EPS8: variants seen among roughly 807,000 people sequenced by gnomAD.
EPS8 encodes EGFR pathway substrate 8, signaling adaptor, also known as epidermal growth factor receptor kinase substrate 8.
A neutral mutation model predicts 103.8 loss-of-function variants in EPS8; 42 were observed. The ratio of observed to expected loss-of-function variants is 0.40; its 90% CI spans 0.32 to 0.52. EPS8 has a LOEUF of 0.52. Ranked by LOEUF, EPS8 falls within the 20% of genes least tolerant of loss-of-function variation. The pLI, the probability that EPS8 is intolerant of heterozygous loss-of-function variation, is 0.40. For synonymous variants in EPS8, 344 were observed against 344.6 expected, an observed-to-expected ratio of 1.00 and a Z score of 0.02; for missense variants, 969 against 1,005.1, an observed-to-expected ratio of 0.96 and a Z score of 0.49.
chr12:15,654,267 T>C lies in EPS8; in HGVS notation c.1128A>G (p.Glu376=), dbSNP rs776193771. ...NMVVQATGGP[E]LASSVLSPLL... ...GGGGACTAAGTACTGAACTGGCTAG[T>C]TCAGGACCTCCTGTTGCCTGCACCA... is the stretch of plus-strand genomic sequence containing the variant. The change falls in exon 13 of 21, where the codon GAA becomes GAG. Residue 376 remains glutamate, a synonymous_variant. Coordinates refer to ENST00000281172, the MANE Select transcript of EPS8 (RefSeq NM_004447.6). The C allele has an allele frequency of 1.2e-6, 2 of 1,613,668 alleles. No homozygotes were observed. Among genetic ancestry groups the C allele is most frequent in the South Asian group, 1.1e-5 (1 of 91,076 alleles).
In EPS8 at chr12:15,748,389, G is replaced by A. The variant is rs1946896930; in HGVS notation, c.-22+40772C>T. Reference sequence around the variant, plus strand: ...CCTAGTAGGAAAACTAAAGTGATGAGGATTAGAAAGGAAAGAATTATCCTC... The same window carrying A: ...CCTAGTAGGAAAACTAAAGTGATGAAGATTAGAAAGGAAAGAATTATCCTC... On this transcript the variant is annotated intron_variant, in intron 1 of 20. Transcript: ENST00000281172. The surrounding 1 kb of genome is among the most constrained non-coding windows in gnomAD (Gnocchi z 4.8). Among the ~76,000 whole-genome samples, 2 of 151,920 alleles carry A rather than the reference G, an allele frequency of 1.3e-5. No homozygotes were observed. Among genetic ancestry groups the A allele is most frequent in the Admixed American group, 1.3e-4 (2 of 15,266 alleles).
chr12:15,623,281 G>C lies in EPS8; in HGVS notation c.2232C>G (p.Val744=). The change falls in exon 20 of 21, where the codon GTC becomes GTG. Residue 744 remains valine (V), a synonymous_variant. Transcript: ENST00000281172. The part of the protein sequence containing the change: ...LQSKGFNPVT[V]NSLGVLNGAQ... ...CACCATTTAATACTCCAAGACTATT[G>C]ACAGTCCTAAAAAAAAAAAAAGGAA... The C allele has an allele frequency of 6.4e-6, 10 of 1,574,650 alleles. No individual in the cohort carries two copies. The highest frequency in any genetic ancestry group is 8.6e-6 in the Non-Finnish European group (10 of 1,166,216).
chr12:15,628,706 TG>T (rs1327424249), intron 18 of EPS8, among the ~76,000 whole-genome samples: 6 of 152,206 alleles, frequency 3.9e-5, no homozygotes, highest in African/African-American at 1.2e-4. Context: ...AAAACAGGCA[TG>T]TTGGCTTTTT....
chr12:15,739,174 G>A (rs1480486638), intron 1 of EPS8, among the ~76,000 whole-genome samples: 1 of 152,178 alleles, frequency 6.6e-6, no homozygotes, highest in African/African-American at 2.4e-5. Context: ...TTTTACAGGT[G>A]AAGATGCTGA....
intron 19 of EPS8, among the ~76,000 whole-genome samples, chr12:15,623,490 T>C (rs1944894158): frequency 6.6e-6 from 1 of 152,190 alleles, no homozygotes; most frequent in African/African-American, 2.4e-5. Context: ...ATACAGATTA[T>C]TAATTACAAA....
intron 16 of EPS8, among the ~76,000 whole-genome samples, chr12:15,641,303 G>GTGT (rs943653699): frequency 6.6e-6 from 1 of 151,940 alleles, no homozygotes; most frequent in African/African-American, 2.4e-5. Context: ...GTGTTGTGGT[G>GTGT]GATTATCCCT....
intron 3 of EPS8, 68 bp from the exon 4 acceptor site, chr12:15,670,991 G>T: frequency 8.7e-7 from 1 of 1,145,018 alleles, no homozygotes; most frequent in South Asian, 1.3e-5. Flanking sequence ...TTGGTATCAT[G>T]TGGCTATCTC....
chr12:15,772,642 T>A lies in EPS8; in HGVS notation c.-22+16519A>T, dbSNP rs1565538451. Among the ~76,000 whole-genome samples the A allele has an allele frequency of 1.3e-5, 2 of 152,228 alleles. No homozygotes were observed. The highest frequency in any genetic ancestry group is 2.9e-5 in the Non-Finnish European group (2 of 68,030). ...TGAGAGTTTCACTTAGGAAGAATTT[T>A]GGATACCTATTCCATCCCAAGTAGC... On this transcript the variant is annotated intron_variant, in intron 1 of 20. Coordinates refer to ENST00000281172, the MANE Select transcript of EPS8 (RefSeq NM_004447.6). This position sits in a 1 kb window ranked among gnomAD's most constrained non-coding sequence, Gnocchi z 5.0.
intron 1 of EPS8, among the ~76,000 whole-genome samples, chr12:15,739,164 T>C (rs1414828318): frequency 1.3e-5 from 2 of 152,190 alleles, no homozygotes; most frequent in Non-Finnish European, 2.9e-5. Flanking sequence ...ATTACTCCCA[T>C]TTTACAGGTG....
At chr12:15,625,418 C>A (rs1944928592) in intron 18 of EPS8, among the ~76,000 whole-genome samples, 1 of 152,170 alleles carries the variant, frequency 6.6e-6, no homozygotes, top group South Asian at 2.1e-4. Flanking sequence ...GTCCTTTTTA[C>A]CATGTCCTTT....
intron 1 of EPS8, among the ~76,000 whole-genome samples, chr12:15,726,088 T>G (rs1946649904): frequency 6.6e-6 from 1 of 152,106 alleles, no homozygotes; most frequent in African/African-American, 2.4e-5. Flanking sequence ...GACAGAAAGA[T>G]TTAAGGAAGC....
rs1371148010 is a variant in EPS8 at position 15,780,316 on chromosome 12, T to C, written c.-22+8845A>G. On this transcript the variant is annotated intron_variant, in intron 1 of 20. Coordinates refer to ENST00000281172, the MANE Select transcript of EPS8 (RefSeq NM_004447.6). This position sits in a 1 kb window ranked among gnomAD's most constrained non-coding sequence, Gnocchi z 4.1. Reference sequence around the variant, plus strand: ...CACCACTCCCATCATGCCAACCTATTCCGCACATGTCAAACATGCTCATCT... The same window carrying C: ...CACCACTCCCATCATGCCAACCTATCCCGCACATGTCAAACATGCTCATCT... Among the ~76,000 whole-genome samples the C allele has an allele frequency of 6.6e-6, 1 of 152,078 alleles. No individual in the cohort carries two copies. The highest frequency in any genetic ancestry group is 1.5e-5 in the Non-Finnish European group (1 of 68,022).
intron 3 of EPS8, among the ~76,000 whole-genome samples, chr12:15,677,310 G>T (rs1355014579): frequency 5.3e-5 from 8 of 152,252 alleles, no homozygotes; most frequent in South Asian, 4.1e-4. Flanking sequence ...GCAGCCATTT[G>T]GTAGCAGTAC....
intron 18 of EPS8, among the ~76,000 whole-genome samples, chr12:15,628,086 G>GGGGA (rs1207994857): frequency 1.4e-4 from 17 of 122,534 alleles, no homozygotes; most frequent in Admixed American, 5.9e-4. Flanking sequence ...AAGGGGAAAA[G>GGGGA]GGGAGGGAGG....
chr12:15,630,729 T>C (rs931643641), intron 18 of EPS8, among the ~76,000 whole-genome samples: 5 of 152,176 alleles, frequency 3.3e-5, no homozygotes, highest in African/African-American at 7.2e-5. Flanking sequence ...ATGATGATGA[T>C]GGCGACAGCA....
Position 15,784,545 on chromosome 12 carries a change from G to T in EPS8, c.-22+4616C>A, listed in dbSNP as rs1474691529. On this transcript the variant is annotated intron_variant, in intron 1 of 20. Transcript: ENST00000281172. The surrounding 1 kb of genome is among the most constrained non-coding windows in gnomAD (Gnocchi z 4.0). ...ACTCACATTCATTGCTGGTGAGAAT[G>T]TAATAGTACAGCCACTTCGGAAAAC... 6.6e-6 allele frequency among the ~76,000 whole-genome samples: 1 copy of T among 152,130 alleles called. No homozygotes were observed. The highest frequency in any genetic ancestry group is 1.5e-5 in the Non-Finnish European group (1 of 67,980).
intron 17 of EPS8, among the ~76,000 whole-genome samples, chr12:15,638,359 G>A (rs1452002007): frequency 6.6e-6 from 1 of 152,250 alleles, no homozygotes; most frequent in African/African-American, 2.4e-5. Flanking sequence ...TAGCAAAGCA[G>A]ACTGTGAAGC....
rs1015343547 is a variant in EPS8 at position 15,784,743 on chromosome 12, C to T, written c.-22+4418G>A. Reference sequence around the variant, plus strand: ...CAAAAACTGGAAGCAACCAAAATATCCTTCAATAGGTGAATAAACAAACCA... The same window carrying T: ...CAAAAACTGGAAGCAACCAAAATATTCTTCAATAGGTGAATAAACAAACCA... On this transcript the variant is annotated intron_variant, in intron 1 of 20. Transcript: ENST00000281172. The surrounding 1 kb of genome is among the most constrained non-coding windows in gnomAD (Gnocchi z 4.0). 6.6e-6 allele frequency among the ~76,000 whole-genome samples: 1 copy of T among 152,122 alleles called. No homozygotes were observed. Among genetic ancestry groups the T allele is most frequent in the African/African-American group, 2.4e-5 (1 of 41,446 alleles).
Position 15,772,419 on chromosome 12 carries a change from C to T in EPS8, c.-22+16742G>A, listed in dbSNP as rs1424011754. 1.3e-5 allele frequency among the ~76,000 whole-genome samples: 2 copies of T among 151,944 alleles called. No homozygotes were observed. The highest frequency in any genetic ancestry group is 4.8e-5 in the African/African-American group (2 of 41,362). ...TGTTCTAAACGAAACACTGAGGTTC[C>T]CTAGAAAGAGAATGAAACTTAGGCT... On this transcript the variant is annotated intron_variant, in intron 1 of 20. Coordinates refer to ENST00000281172, the MANE Select transcript of EPS8 (RefSeq NM_004447.6). The surrounding 1 kb of genome is among the most constrained non-coding windows in gnomAD (Gnocchi z 5.0).
Sources: gnomAD v4.1 joint callset for allele counts (sites outside exome capture counted in the v4.1 genomes callset) on GRCh38, gnomAD v4.1.1 for gene constraint, Gnocchi (gnomAD v3.1) non-coding constraint, MANE v1.5 for transcripts, NCBI Gene and HGNC (gene_info 2026-07-23, HGNC 2026-07-21) for gene names.